PRLR: variants seen among roughly 807,000 people sequenced by gnomAD.
The protein encoded by PRLR is prolactin receptor.
A neutral mutation model predicts 40.2 loss-of-function variants in PRLR; 13 were observed. That is an observed-to-expected ratio of 0.32 (90% CI 0.21 to 0.51). The LOEUF (loss-of-function observed/expected upper bound fraction) is 0.51. Among genes scored for constraint, PRLR ranks in the 20% least tolerant of loss-of-function variants. The probability of loss-of-function intolerance (pLI) is 0.97; values close to 1 mark genes in which losing one functional copy is unlikely to be tolerated. For synonymous variants in PRLR, 269 were observed against 278.7 expected (o/e 0.97, Z 0.35); for missense variants, 656 against 747.3 (o/e 0.88, Z 1.42).
At chr5:35,206,828 AT>A (rs1776032702) in intron 1 of PRLR, among the ~76,000 whole-genome samples, 1 of 152,090 alleles carries the variant, frequency 6.6e-6, no homozygotes, top group African/African-American at 2.4e-5. Flanking sequence ...TATGAAAATT[AT>A]TTTTCTAAAA....
rs943813950 is a variant in PRLR, at chr5:35,063,034, A to G, written c.*2055T>C. ...TGCAATTGAATCATTTGGGGATCTT[A>G]GTAAAATGCAGATTCTGATGCTTAA... is the stretch of plus-strand genomic sequence containing the variant. On this transcript the variant is annotated 3_prime_UTR_variant, in exon 10 of 10. Coordinates refer to ENST00000618457, the MANE Select transcript of PRLR (RefSeq NM_000949.7). 3.3e-5 allele frequency: 5 copies of G among 152,340 alleles called. No homozygotes were observed. The highest frequency in any genetic ancestry group is 1.9e-4 in the East Asian group (1 of 5,184). 9.4% of individuals were successfully genotyped at this position (152,340 alleles called of 1,614,324 possible). A position where few individuals can be genotyped will look rare whatever the true frequency, so the allele number is the denominator to read the frequency against.
At chr5:35,095,727 G>A (rs1428070078) in intron 2 of PRLR, among the ~76,000 whole-genome samples, 1 of 152,168 alleles carries the variant, frequency 6.6e-6, no homozygotes, top group Non-Finnish European at 1.5e-5. Flanking sequence ...CCATTATCCA[G>A]TTTACATTTT....
At chr5:35,081,341 C>T in intron 5 of PRLR, 1 of 205,616 alleles carries the variant, frequency 4.9e-6, no homozygotes, top group South Asian at 9.1e-5. Context: ...GTTGGTGCTG[C>T]CAAGGCTGAG....
intron 1 of PRLR, among the ~76,000 whole-genome samples, chr5:35,180,250 C>T (rs1775258382): frequency 6.6e-6 from 1 of 152,294 alleles, no homozygotes; most frequent in South Asian, 2.1e-4. Flanking sequence ...GCCCGCCACT[C>T]ACCTCCTGCT....
At chr5:35,127,143 G>A (rs1203871088) in intron 1 of PRLR, among the ~76,000 whole-genome samples, 1 of 152,186 alleles carries the variant, frequency 6.6e-6, no homozygotes, top group Non-Finnish European at 1.5e-5. Flanking sequence ...AAGCTGTGAA[G>A]GGCAAATCTG....
At chr5:35,197,581 C>G (rs1193354705) in intron 1 of PRLR, among the ~76,000 whole-genome samples, 1 of 152,226 alleles carries the variant, frequency 6.6e-6, no homozygotes, top group Non-Finnish European at 1.5e-5. Flanking sequence ...CTAGTCCTTC[C>G]TCCCACCTGT....
intron 1 of PRLR, among the ~76,000 whole-genome samples, chr5:35,132,587 C>T (rs980296306): frequency 3.3e-5 from 5 of 152,124 alleles, no homozygotes; most frequent in African/African-American, 1.2e-4. Flanking sequence ...AAATAGGAAA[C>T]ACATTAGTCC....
intron 3 of PRLR, among the ~76,000 whole-genome samples, chr5:35,086,915 A>G (rs947998263): frequency 6.6e-6 from 1 of 152,054 alleles, no homozygotes; most frequent in East Asian, 1.9e-4. Flanking sequence ...CGTTCACTAC[A>G]TCGCTAAAGC....
chr5:35,213,266 A>G (rs1212726550), intron 1 of PRLR, among the ~76,000 whole-genome samples: 3 of 152,220 alleles, frequency 2.0e-5, no homozygotes, highest in Admixed American at 2.0e-4. Context: ...AATCGGTCTT[A>G]GTGACAACAC....
chr5:35,217,086 C>T (rs1776303086), intron 1 of PRLR, among the ~76,000 whole-genome samples: 1 of 152,194 alleles, frequency 6.6e-6, no homozygotes, highest in Non-Finnish European at 1.5e-5. Context: ...TGTTTAACTC[C>T]ACGTATCCTT....
At chr5:35,090,283 A>G (rs1339533225) in intron 2 of PRLR, among the ~76,000 whole-genome samples, 2 of 151,828 alleles carry the variant, frequency 1.3e-5, no homozygotes, top group African/African-American at 2.4e-5. Context: ...ACAAAAGGTA[A>G]TAAATTCTGG....
intron 1 of PRLR, among the ~76,000 whole-genome samples, chr5:35,177,421 T>A (rs534129324): frequency 6.6e-6 from 1 of 152,110 alleles, no homozygotes; most frequent in Non-Finnish European, 1.5e-5. Context: ...TTAAAACATT[T>A]TTTTCACCAC....
chr5:35,148,345 C>T (rs950528171), intron 1 of PRLR, among the ~76,000 whole-genome samples: 1 of 152,088 alleles, frequency 6.6e-6, no homozygotes, highest in Admixed American at 6.6e-5. Flanking sequence ...GATTTTTGTG[C>T]CTGTGTGATG....
intron 1 of PRLR, among the ~76,000 whole-genome samples, chr5:35,149,190 T>G (rs1178697771): frequency 6.6e-6 from 1 of 152,278 alleles, no homozygotes; most frequent in African/African-American, 2.4e-5. Flanking sequence ...TCTGTGTACA[T>G]CTGACCAACT....
At chr5:35,204,870 T>C (rs1775975075) in intron 1 of PRLR, among the ~76,000 whole-genome samples, 1 of 152,176 alleles carries the variant, frequency 6.6e-6, no homozygotes, top group African/African-American at 2.4e-5. Context: ...TACTCAAAGA[T>C]GATAACATCA....
chr5:35,088,377 T>C (rs1561285637), intron 3 of PRLR, among the ~76,000 whole-genome samples: 1 of 152,202 alleles, frequency 6.6e-6, no homozygotes, highest in Non-Finnish European at 1.5e-5. Context: ...GGGAGAAGTG[T>C]GTGAAGTAGA....
intron 1 of PRLR, among the ~76,000 whole-genome samples, chr5:35,144,766 AT>A (rs1405364533): frequency 6.6e-6 from 1 of 152,036 alleles, no homozygotes; most frequent in Admixed American, 6.6e-5. Flanking sequence ...ACCTGGCCAA[AT>A]TTTTAGGCAA....
intron 1 of PRLR, among the ~76,000 whole-genome samples, chr5:35,227,730 A>G (rs1776587062): frequency 6.6e-6 from 1 of 152,214 alleles, no homozygotes; most frequent in African/African-American, 2.4e-5. Context: ...GAGAGAGTAC[A>G]TGCTGAGTTG....
intron 1 of PRLR, among the ~76,000 whole-genome samples, chr5:35,190,225 A>G (rs12521272): frequency 0.16 from 24,872 of 152,228 alleles, 2,198 homozygotes; most frequent in Middle Eastern, 0.22. Context: ...ACCAAGGCAC[A>G]AAGAGATTAA....
Sources: gnomAD v4.1 joint callset for allele counts (sites outside exome capture counted in the v4.1 genomes callset) on GRCh38, gnomAD v4.1.1 for gene constraint, MANE v1.5 for transcripts, NCBI Gene and HGNC (gene_info 2026-07-23, HGNC 2026-07-21) for gene names.